Variants in ATP13A4 observed in about 807,000 individuals in gnomAD.
ATP13A4 encodes the protein ATPase 13A4, also known as probable cation-transporting ATPase 13A4.
In ATP13A4, 114 loss-of-function variants were observed where a neutral mutation model predicts 142.5. That is an observed-to-expected ratio of 0.80 (90% CI 0.69 to 0.93). The LOEUF is 0.93. Among genes scored for constraint, ATP13A4 ranks in the 40% least tolerant of loss-of-function variants. The pLI is 0.00. For synonymous variants in ATP13A4, 488 were observed against 514.8 expected (o/e 0.95, Z 0.70); for missense variants, 1,392 against 1,454.0 (o/e 0.96, Z 0.69).
At chr3:193,571,342 A>C (rs1036288118) in intron 2 of ATP13A4, among the ~76,000 whole-genome samples, 1 of 152,012 alleles carries the variant, frequency 6.6e-6, no homozygotes, top group African/African-American at 2.4e-5. Flanking sequence ...TGAATAAATA[A>C]ATGGGGAGAA....
intron 7 of ATP13A4, among the ~76,000 whole-genome samples, chr3:193,486,252 G>GCGA (rs1560223338): frequency 6.6e-6 from 1 of 152,088 alleles, no homozygotes; most frequent in African/African-American, 2.4e-5. Flanking sequence ...TTTAAAGTCT[G>GCGA]CGATGAGATT....
At chr3:193,447,705 A>T (rs139087121) in intron 18 of ATP13A4, among the ~76,000 whole-genome samples, 3 of 152,132 alleles carry the variant, frequency 2.0e-5, no homozygotes, top group Non-Finnish European at 4.4e-5. Flanking sequence ...TCTTGTTTGT[A>T]TGATTTGGAG....
chr3:193,483,331 T>TC (rs1221749855), intron 8 of ATP13A4, among the ~76,000 whole-genome samples: 1 of 152,124 alleles, frequency 6.6e-6, no homozygotes, highest in East Asian at 1.9e-4. Context: ...TGATGAATGG[T>TC]CATTACCTTG....
At chr3:193,530,179 CT>C (rs1484147862) in intron 1 of ATP13A4, among the ~76,000 whole-genome samples, 2 of 152,166 alleles carry the variant, frequency 1.3e-5, no homozygotes, top group African/African-American at 2.4e-5. Context: ...TTTCTCACCC[CT>C]ATGCCTTTGT....
chr3:193,531,389 T>C (rs1291789373), intron 1 of ATP13A4, among the ~76,000 whole-genome samples: 1 of 46,508 alleles, frequency 2.2e-5, no homozygotes, highest in South Asian at 6.6e-4. Context: ...AAGGAGGAGG[T>C]AGGGAGGGAA....
intron 1 of ATP13A4, among the ~76,000 whole-genome samples, chr3:193,582,284 G>C (rs1357872643): frequency 2.0e-5 from 3 of 149,428 alleles, no homozygotes; most frequent in Non-Finnish European, 3.0e-5. Flanking sequence ...GAGTAGCTGG[G>C]ATTACAGGCG....
chr3:193,460,641 T>G (rs930898971), intron 13 of ATP13A4, among the ~76,000 whole-genome samples: 2 of 152,190 alleles, frequency 1.3e-5, no homozygotes, highest in African/African-American at 4.8e-5. Context: ...CACAGAAACT[T>G]AAACGCACAC....
Position 193,492,826 on chromosome 3 carries a change from T to C in ATP13A4, c.533+91A>G. On this transcript the variant is annotated intron_variant, in intron 5 of 29. Coordinates refer to ENST00000342695, the MANE Select transcript of ATP13A4 (RefSeq NM_032279.4). ...AGAGCATTATAATATTTTCTGATAT[T>C]AATCCATTAAGATAACTATTTACTA... 5 of 926,332 alleles carry C rather than the reference T, an allele frequency of 5.4e-6. No individual in the cohort carries two copies. The South Asian group carries it at 5.5e-5, about 10-fold the overall frequency. 57.4% of individuals were successfully genotyped at this position (926,332 alleles called of 1,614,324 possible). A position where few individuals can be genotyped will look rare whatever the true frequency, so the allele number is the denominator to read the frequency against.
intron 1 of ATP13A4, among the ~76,000 whole-genome samples, chr3:193,535,299 A>C (rs1374593531): frequency 6.6e-6 from 1 of 152,184 alleles, no homozygotes; most frequent in African/African-American, 2.4e-5. Flanking sequence ...AGCAGACCTC[A>C]ACTAATTTAA....
chr3:193,425,624 A>T (rs1695082838), intron 25 of ATP13A4, among the ~76,000 whole-genome samples: 1 of 151,822 alleles, frequency 6.6e-6, no homozygotes, highest in Non-Finnish European at 1.5e-5. Context: ...GACAAATTCC[A>T]CATGACCTCA....
chr3:193,529,374 T>C (rs1381406326), intron 1 of ATP13A4, among the ~76,000 whole-genome samples: 5 of 152,058 alleles, frequency 3.3e-5, no homozygotes, highest in Non-Finnish European at 7.4e-5. Context: ...AAATATTTTA[T>C]GTACTTTTAT....
chr3:193,538,897 T>C (rs1354442103), intron 1 of ATP13A4, among the ~76,000 whole-genome samples: 3 of 148,010 alleles, frequency 2.0e-5, no homozygotes, highest in Non-Finnish European at 4.5e-5. Context: ...TTTTTCTTTT[T>C]TTTTTTTTTT....
chr3:193,442,506 A>G lies in ATP13A4; in HGVS notation c.2203T>C (p.Ser735Pro), dbSNP rs769018077. 1 of 1,614,132 alleles carries G rather than the reference A, an allele frequency of 6.2e-7. No individual in the cohort carries two copies. The highest frequency in any genetic ancestry group is 1.7e-5 in the Admixed American group (1 of 60,026). The change falls in exon 19 of 30, where the codon TCT (serine) becomes CCT (proline). Residue 735 changes from serine to proline, a missense_variant. By Grantham distance (74) the Ser-to-Pro change is moderately conservative (BLOSUM62 -1). Transcript: ENST00000342695. ...ITVARKSGMV[S>P]ESQKVILIEA... ...ATGAGAATGACTTTCTGGCTTTCAGAAACCATTCCAGATTTTCTGGCCACT... is the reference window on the plus strand; with the variant it reads ...ATGAGAATGACTTTCTGGCTTTCAGGAACCATTCCAGATTTTCTGGCCACT...
At chr3:193,466,309 G>T in intron 10 of ATP13A4, 127 bp from the exon 11 acceptor site, 1 of 1,153,966 alleles carries the variant, frequency 8.7e-7, no homozygotes. Flanking sequence ...AAAGGCAATT[G>T]AAAGATAACT....
chr3:193,405,967 C>T (rs758424800), intron 29 of ATP13A4, among the ~76,000 whole-genome samples: 10 of 152,018 alleles, frequency 6.6e-5, no homozygotes, highest in East Asian at 5.8e-4. Context: ...TGAGGACACC[C>T]GTGATAATGC....
intron 7 of ATP13A4, among the ~76,000 whole-genome samples, chr3:193,484,415 T>C (rs1394284992): frequency 6.6e-6 from 1 of 152,074 alleles, no homozygotes; most frequent in Non-Finnish European, 1.5e-5. Flanking sequence ...ACATGAAATA[T>C]GTGGGATATT....
intron 1 of ATP13A4, among the ~76,000 whole-genome samples, chr3:193,526,091 A>G (rs1040805634): frequency 4.6e-5 from 7 of 152,226 alleles, no homozygotes; most frequent in African/African-American, 1.7e-4. Context: ...GCTAGGCCAT[A>G]TCATTTATGA....
At chr3:193,452,423 A>G (rs1305588484) in intron 17 of ATP13A4, among the ~76,000 whole-genome samples, 1 of 152,186 alleles carries the variant, frequency 6.6e-6, no homozygotes, top group Non-Finnish European at 1.5e-5. Flanking sequence ...GACCCCCAGG[A>G]AGAATGGTCC....
intron 7 of ATP13A4, among the ~76,000 whole-genome samples, chr3:193,488,050 G>A (rs1037896582): frequency 2.7e-5 from 4 of 150,824 alleles, no homozygotes; most frequent in Non-Finnish European, 5.9e-5. Flanking sequence ...GATCACTGGA[G>A]GTCAGGAGAT....
Sources: allele counts gnomAD v4.1 joint callset (sites outside exome capture counted in the v4.1 genomes callset), GRCh38; gene constraint gnomAD v4.1.1; transcripts MANE v1.5; gene names NCBI Gene and HGNC (gene_info 2026-07-23, HGNC 2026-07-21).